The following FGFR2 variants were observed in gnomAD, a reference collection of about 807,000 sequenced individuals.
The protein encoded by FGFR2 is fibroblast growth factor receptor 2.
FGFR2 carries 19 observed loss-of-function variants against 95.9 expected under a neutral mutation model. That is an observed-to-expected ratio of 0.20 (90% confidence interval 0.14 to 0.29). The LOEUF (loss-of-function observed/expected upper bound fraction) is 0.29, where lower values mean the gene tolerates loss of function less well. Among genes scored for constraint, FGFR2 ranks in the 10% least tolerant of loss-of-function variants. The probability of loss-of-function intolerance (pLI) is 1.00; values close to 1 mark genes in which losing one functional copy is unlikely to be tolerated. For missense variants in FGFR2, 707 were observed against 1,056.9 expected (o/e 0.67, Z 4.59); for synonymous variants, 392 against 393.3 (o/e 1.00, Z 0.04).
rs193220363 is a variant in FGFR2, at chr10:121,510,278, T to G, written c.1287+4839A>C. ...AGAGCCATGACGCACCAGCCCCAGA[T>G]GCGCTGGCTCTGCTCGAGAGATCGC... is the stretch of plus-strand genomic sequence containing the variant. On this transcript the variant is annotated intron_variant, in intron 9 of 17. Transcript: ENST00000358487. 8.5e-5 allele frequency among the ~76,000 whole-genome samples: 13 copies of G among 152,316 alleles called. 1 individual carries two copies. Among genetic ancestry groups the G allele is most frequent in the Admixed American group, 8.5e-4 (13 of 15,298 alleles).
chr10:121,505,942 T>G (rs1365849289), intron 9 of FGFR2, among the ~76,000 whole-genome samples: 1 of 152,154 alleles, frequency 6.6e-6, no homozygotes, highest in East Asian at 1.9e-4. Flanking sequence ...AGTACGCAGG[T>G]GTTTTCAAGA....
At chr10:121,587,049 C>T (rs1261807900) in intron 2 of FGFR2, among the ~76,000 whole-genome samples, 3 of 152,130 alleles carry the variant, frequency 2.0e-5, no homozygotes, top group Admixed American at 6.6e-5. Context: ...AAAACAGGCA[C>T]GTAGACCAAT....
At chr10:121,493,333 A>T (rs1023334902) in intron 13 of FGFR2, among the ~76,000 whole-genome samples, 1 of 152,166 alleles carries the variant, frequency 6.6e-6, no homozygotes, top group African/African-American at 2.4e-5. Flanking sequence ...TGCTTAGCAA[A>T]GTTCGTCTCT....
At position 121,593,974 on chromosome 10, in the gene FGFR2, G is replaced by A. The variant is rs1759426571; in HGVS notation, c.-150-7C>T. ...GCCGCTGCTGCTGCAGTCACTAAAG[G>A]AAAGAGATTGGCGAGTCAGGGAATC... On this transcript the variant is annotated splice_polypyrimidine_tract_variant and splice_region_variant and intron_variant, in intron 1 of 17. Coordinates refer to ENST00000358487, the MANE Select transcript of FGFR2 (RefSeq NM_000141.5). 2.7e-6 allele frequency: 2 copies of A among 729,506 alleles called. No individual in the cohort carries two copies. Among genetic ancestry groups the A allele is most frequent in the Admixed American group, 2.0e-5 (1 of 49,270 alleles). The allele number at this position is 729,506 out of a possible 1,614,324, so 45.2% of individuals were successfully genotyped here.
chr10:121,576,872 T>A (rs1220515157), intron 2 of FGFR2, among the ~76,000 whole-genome samples: 1 of 151,740 alleles, frequency 6.6e-6, no homozygotes, highest in Non-Finnish European at 1.5e-5. Context: ...TGGTGGCTCA[T>A]GCCTGTAATC....
intron 9 of FGFR2, among the ~76,000 whole-genome samples, chr10:121,505,390 C>T (rs183790347): frequency 1.3e-5 from 2 of 152,194 alleles, no homozygotes; most frequent in African/African-American, 4.8e-5. Flanking sequence ...ACTTCCTGAG[C>T]CTTCCATTCA....
intron 5 of FGFR2, among the ~76,000 whole-genome samples, chr10:121,549,240 T>C (rs1376821261): frequency 6.6e-6 from 1 of 152,196 alleles, no homozygotes. Context: ...CCTTTAAAGA[T>C]GAATAACTGT....
chr10:121,497,328 A>G (rs1190895187), intron 12 of FGFR2, among the ~76,000 whole-genome samples: 1 of 152,066 alleles, frequency 6.6e-6, no homozygotes, highest in African/African-American at 2.4e-5. Flanking sequence ...TTGGAAAGCA[A>G]TGGATCCCTC....
At chr10:121,487,903 C>G in intron 14 of FGFR2, 88 bp downstream of exon 14, 2 of 1,554,302 alleles carry the variant, frequency 1.3e-6, no homozygotes, top group Non-Finnish European at 1.8e-6. Flanking sequence ...GCCATCCCAC[C>G]CAGCTCTCAA....
At chr10:121,481,543 C>A (rs1031554681) in intron 17 of FGFR2, among the ~76,000 whole-genome samples, 1 of 152,140 alleles carries the variant, frequency 6.6e-6, no homozygotes, top group Non-Finnish European at 1.5e-5. Context: ...AACAAACACG[C>A]CCACCACATC....
In FGFR2 at chr10:121,560,615, C is replaced by CAAAAAA. The variant is rs34753296; in HGVS notation, c.454+3881_454+3886dup. Among the ~76,000 whole-genome samples, 12 of 51,810 alleles carry CAAAAAA rather than the reference C, an allele frequency of 2.3e-4. 1 individual carries two copies. The highest frequency in any genetic ancestry group is 8.3e-4 in the African/African-American group (12 of 14,512). 34.0% of individuals were successfully genotyped at this position (51,810 alleles called of 152,430 possible). ...GGGCAACAGAGCAAGACTCCGTCCC[C>CAAAAAA]AAAAAAAAAAAAAAAAAAAAAAAAA... On this transcript the variant is annotated intron_variant, in intron 4 of 17. Transcript: ENST00000358487.
intron 9 of FGFR2, among the ~76,000 whole-genome samples, chr10:121,511,341 T>C (rs1321987198): frequency 6.6e-6 from 1 of 152,136 alleles, no homozygotes; most frequent in South Asian, 2.1e-4. Flanking sequence ...AAGAAACTGA[T>C]GTGCTCGATG....
At chr10:121,521,432 C>A (rs540296066) in intron 6 of FGFR2, among the ~76,000 whole-genome samples, 1 of 152,284 alleles carries the variant, frequency 6.6e-6, no homozygotes, top group South Asian at 2.1e-4. Context: ...GGTGTGCTAG[C>A]AACCACACAT....
At chr10:121,537,655 G>T (rs949739851) in intron 6 of FGFR2, among the ~76,000 whole-genome samples, 2 of 152,206 alleles carry the variant, frequency 1.3e-5, no homozygotes, top group Non-Finnish European at 2.9e-5. Context: ...ACGGCAAAAC[G>T]TGAGTGTGAA....
intron 1 of FGFR2, among the ~76,000 whole-genome samples, chr10:121,595,620 T>C (rs1208259383): frequency 6.6e-6 from 1 of 152,226 alleles, no homozygotes; most frequent in Admixed American, 6.5e-5. Flanking sequence ...TCTACATACA[T>C]GTGGGAGGAA....
At chr10:121,571,146 A>G (rs562184225) in intron 2 of FGFR2, among the ~76,000 whole-genome samples, 52 of 146,748 alleles carry the variant, frequency 3.5e-4, no homozygotes, top group Admixed American at 1.6e-3. Flanking sequence ...CTGCCACCAC[A>G]CCTGGCTAAT....
chr10:121,509,596 G>T (rs1380347636), intron 9 of FGFR2, among the ~76,000 whole-genome samples: 1 of 138,906 alleles, frequency 7.2e-6, no homozygotes, highest in Non-Finnish European at 1.5e-5. Context: ...TGATTCTCCT[G>T]CCTCAGCCTC....
intron 9 of FGFR2, among the ~76,000 whole-genome samples, chr10:121,509,829 G>A (rs745778614): frequency 1.3e-5 from 2 of 151,744 alleles, no homozygotes; most frequent in Non-Finnish European, 2.9e-5. Flanking sequence ...CATCTAGAGG[G>A]GATTTCTCAG....
chr10:121,574,895 C>A (rs11200013), intron 2 of FGFR2, among the ~76,000 whole-genome samples: 3 of 152,198 alleles, frequency 2.0e-5, no homozygotes, highest in South Asian at 2.1e-4. Context: ...CAGATAAGTA[C>A]GCAGGATGAA....
Sources: gnomAD v4.1 joint callset for allele counts (sites outside exome capture counted in the v4.1 genomes callset) on GRCh38, gnomAD v4.1.1 for gene constraint, MANE v1.5 for transcripts, NCBI Gene and HGNC (gene_info 2026-07-23, HGNC 2026-07-21) for gene names.